The following DLG2 variants were observed in gnomAD, a reference collection of about 807,000 sequenced individuals.
DLG2 encodes discs large MAGUK scaffold protein 2.
Under a neutral mutation model 132.5 loss-of-function variants are expected in DLG2, and 45 were observed. The observed-to-expected ratio is 0.34, with a 90% CI of 0.27 to 0.44. DLG2 has a LOEUF of 0.44. DLG2 is among the 20% of genes least tolerant of loss of function. DLG2 has a pLI of 1.00. For synonymous variants in DLG2, 424 were observed against 419.6 expected, an observed-to-expected ratio of 1.01 and a Z score of -0.13; for missense variants, 1,045 against 1,196.9, an observed-to-expected ratio of 0.87 and a Z score of 1.87.
intron 3 of DLG2, among the ~76,000 whole-genome samples, chr11:85,502,637 C>T (rs182842005): frequency 6.6e-6 from 1 of 152,076 alleles, no homozygotes; most frequent in African/African-American, 2.4e-5. Context: ...ACATCACACA[C>T]TGAGGCCTGT....
chr11:85,153,666 A>T (rs2077410180), intron 5 of DLG2, among the ~76,000 whole-genome samples: 1 of 152,190 alleles, frequency 6.6e-6, no homozygotes, highest in Non-Finnish European at 1.5e-5. Flanking sequence ...AATATGAAGT[A>T]TTTATTCCTC....
At chr11:85,338,771 C>A (rs1241175819) in intron 3 of DLG2, among the ~76,000 whole-genome samples, 1 of 139,250 alleles carries the variant, frequency 7.2e-6, no homozygotes, top group East Asian at 2.1e-4. Flanking sequence ...GTGACGCGAT[C>A]TCGGCTCACT....
chr11:85,509,630 A>G (rs2094011851), intron 3 of DLG2, among the ~76,000 whole-genome samples: 1 of 152,108 alleles, frequency 6.6e-6, no homozygotes, highest in South Asian at 2.1e-4. Flanking sequence ...CGATGTATCT[A>G]AAATGCAGAC....
intron 6 of DLG2, among the ~76,000 whole-genome samples, chr11:84,853,933 G>T (rs1006096900): frequency 6.6e-6 from 1 of 152,020 alleles, no homozygotes. Context: ...ATTTTAAGAT[G>T]TCTTAAGGAA....
At chr11:85,161,190 T>G (rs1826612) in intron 4 of DLG2, among the ~76,000 whole-genome samples, 19,994 of 152,252 alleles carry the variant, frequency 0.13, 1,630 homozygotes, top group East Asian at 0.3. Context: ...AGGAGGATTT[T>G]AATAATTAAG....
chr11:83,889,491 A>G (rs546039811), intron 15 of DLG2, among the ~76,000 whole-genome samples: 1,830 of 152,242 alleles, frequency 0.012, 27 homozygotes, highest in South Asian at 0.072. Flanking sequence ...AAATAGGAAC[A>G]CTTTTACACT....
intron 3 of DLG2, among the ~76,000 whole-genome samples, chr11:85,321,563 T>A (rs1220012583): frequency 6.6e-6 from 1 of 151,816 alleles, no homozygotes; most frequent in Non-Finnish European, 1.5e-5. Flanking sequence ...CAGGTGTGAG[T>A]CCTGGAACAT....
At chr11:83,500,057 C>A (rs2094388968) in intron 21 of DLG2, among the ~76,000 whole-genome samples, 1 of 151,358 alleles carries the variant, frequency 6.6e-6, no homozygotes, top group South Asian at 2.1e-4. Context: ...CTCTTGCTTG[C>A]ATATACTCCC....
chr11:83,680,632 T>C (rs2153596819), intron 18 of DLG2, among the ~76,000 whole-genome samples: 1 of 152,208 alleles, frequency 6.6e-6, no homozygotes, highest in African/African-American at 2.4e-5. Flanking sequence ...AATACATCAC[T>C]CCTCTGCTCT....
At chr11:84,979,120 A>T (rs2154118610) in intron 6 of DLG2, among the ~76,000 whole-genome samples, 1 of 152,334 alleles carries the variant, frequency 6.6e-6, no homozygotes, top group East Asian at 1.9e-4. Context: ...ATACCATCTC[A>T]CACCAGTTAG....
At chr11:83,826,729 G>A (rs1054963841) in intron 17 of DLG2, among the ~76,000 whole-genome samples, 7 of 152,166 alleles carry the variant, frequency 4.6e-5, no homozygotes, top group Admixed American at 6.5e-5. Flanking sequence ...TGAAATTTCT[G>A]AAACCTTACT....
At chr11:85,280,378 G>C (rs530878269) in intron 4 of DLG2, among the ~76,000 whole-genome samples, 5 of 152,070 alleles carry the variant, frequency 3.3e-5, no homozygotes, top group African/African-American at 1.2e-4. Flanking sequence ...AATCAGATAG[G>C]TTAAATAATT....
At chr11:84,799,736 G>GTTAAA (rs2075134653) in intron 6 of DLG2, among the ~76,000 whole-genome samples, 1 of 152,084 alleles carries the variant, frequency 6.6e-6, no homozygotes, top group Admixed American at 6.5e-5. Context: ...ACTGTAAAGT[G>GTTAAA]TTAAATCCAA....
chr11:85,178,061 A>G (rs2079425659), intron 4 of DLG2, among the ~76,000 whole-genome samples: 1 of 152,118 alleles, frequency 6.6e-6, no homozygotes. Flanking sequence ...GCAATGTATA[A>G]CACTAGATCA....
intron 3 of DLG2, among the ~76,000 whole-genome samples, chr11:85,595,957 T>G (rs1022360974): frequency 2.6e-5 from 4 of 152,208 alleles, no homozygotes; most frequent in African/African-American, 4.8e-5. Context: ...ATTCATTTTA[T>G]GGTGATGCTT....
chr11:83,562,858 T>A (rs1217634494), intron 19 of DLG2, among the ~76,000 whole-genome samples: 1 of 152,084 alleles, frequency 6.6e-6, no homozygotes, highest in East Asian at 1.9e-4. Flanking sequence ...TTCTTTACAT[T>A]TCTTGAGCGC....
chr11:85,550,383 G>C (rs142656587), intron 3 of DLG2, among the ~76,000 whole-genome samples: 2 of 152,250 alleles, frequency 1.3e-5, no homozygotes. Flanking sequence ...CACGGGGCCT[G>C]CATGGAGTTT....
At chr11:84,649,921 T>G (rs1037294887) in intron 6 of DLG2, among the ~76,000 whole-genome samples, 1 of 152,174 alleles carries the variant, frequency 6.6e-6, no homozygotes, top group African/African-American at 2.4e-5. Flanking sequence ...TAGAGATGAC[T>G]CTAGGAAGTT....
intron 3 of DLG2, among the ~76,000 whole-genome samples, chr11:85,444,655 G>T (rs2091927896): frequency 6.6e-6 from 1 of 152,214 alleles, no homozygotes; most frequent in Non-Finnish European, 1.5e-5. Flanking sequence ...TCTTCTGGCT[G>T]CCAGGCCAGT....
Sources: gnomAD v4.1 joint callset for allele counts (sites outside exome capture counted in the v4.1 genomes callset) on GRCh38, gnomAD v4.1.1 for gene constraint, MANE v1.5 for transcripts, NCBI Gene and HGNC (gene_info 2026-07-23, HGNC 2026-07-21) for gene names.